TIGAR: variants seen among roughly 807,000 people sequenced by gnomAD.
TIGAR encodes the protein TP53 induced glycolysis regulatory phosphatase.
Under a neutral mutation model 17.9 loss-of-function variants are expected in TIGAR, and 7 were observed. The observed-to-expected ratio is 0.39, with a 90% CI of 0.22 to 0.73. The LOEUF (loss-of-function observed/expected upper bound fraction) is 0.73. Ranked by LOEUF, TIGAR falls within the 30% of genes least tolerant of loss-of-function variation. The probability of loss-of-function intolerance (pLI) is 0.42; values close to 1 mark genes in which losing one functional copy is unlikely to be tolerated. For missense variants in TIGAR, 258 were observed against 327.4 expected, an observed-to-expected ratio of 0.79 and a Z score of 1.64; for synonymous variants, 94 against 108.6, an observed-to-expected ratio of 0.87 and a Z score of 0.84.
rs1009806414 is a variant in TIGAR at position 4,359,575 on chromosome 12, A to G, written c.*6884A>G. Reference sequence around the variant, plus strand: ...ATTACTGCATTGAATTCCAATGCATAGATACACAACAGTTTGTTTATTCTT... The same window carrying G: ...ATTACTGCATTGAATTCCAATGCATGGATACACAACAGTTTGTTTATTCTT... On this transcript the variant is annotated 3_prime_UTR_variant, in exon 6 of 6. Transcript: ENST00000179259. Among the ~76,000 whole-genome samples the G allele has an allele frequency of 1.3e-5, 2 of 152,218 alleles. No individual in the cohort carries two copies. Among genetic ancestry groups the G allele is most frequent in the African/African-American group, 4.8e-5 (2 of 41,448 alleles).
chr12:4,352,424 A>C lies in TIGAR; in HGVS notation c.546A>C (p.Ser182=). The stretch of plus-strand genomic sequence containing the variant: ...AAAATCACAGCTCTAAAGTTAATTC[A>C]GACAGCGGTATTCCAGGATTAGCAG... ...LGKNHSSKVN[S]DSGIPGLAAS... The change falls in exon 6 of 6, where the codon TCA becomes TCC. Residue 182 remains serine, a synonymous_variant. Transcript: ENST00000179259. 1.9e-6 allele frequency: 3 copies of C among 1,614,194 alleles called. No homozygotes were observed. Among genetic ancestry groups the C allele is most frequent in the Non-Finnish European group, 2.5e-6 (3 of 1,180,030 alleles).
Position 4,352,936 on chromosome 12 carries a change from C to A in TIGAR, c.*245C>A. The A allele has an allele frequency of 2.3e-6, 1 of 444,416 alleles. No homozygotes were observed. Among genetic ancestry groups the A allele is most frequent in the Non-Finnish European group, 4.0e-6 (1 of 251,026 alleles). The allele number at this position is 444,416 out of a possible 1,614,324, so 27.5% of individuals were successfully genotyped here. ...CCTGCTAGATGTCATCTCTGGATTGCACATGGATGATGAAGGAACTCAGCA... is the reference window on the plus strand; with the variant it reads ...CCTGCTAGATGTCATCTCTGGATTGAACATGGATGATGAAGGAACTCAGCA... On this transcript the variant is annotated 3_prime_UTR_variant, in exon 6 of 6. Transcript: ENST00000179259.
chr12:4,338,977 C>A (rs11063092), intron 3 of TIGAR, among the ~76,000 whole-genome samples: 79,332 of 100,730 alleles, frequency 0.79, 30,725 homozygotes, highest in East Asian at 0.92. Context: ...CTTTGTCTCA[C>A]AAAAAAAAAA....
At chr12:4,350,731 C>T (rs1337939286) in intron 4 of TIGAR, among the ~76,000 whole-genome samples, 3 of 150,430 alleles carry the variant, frequency 2.0e-5, no homozygotes, top group East Asian at 2.0e-4. Flanking sequence ...GAGCTGAGAT[C>T]GCGCCACGGC....
intron 1 of TIGAR, among the ~76,000 whole-genome samples, chr12:4,329,463 C>T (rs140363707): frequency 6.6e-5 from 10 of 151,068 alleles, no homozygotes; most frequent in South Asian, 2.1e-4. Flanking sequence ...CTCAGTCTCC[C>T]GAGTAGCTGG....
In TIGAR at chr12:4,349,829, G is replaced by A; in HGVS notation, c.203G>A (p.Gly68Glu). The change falls in exon 4 of 6, where the codon GGA (glycine) becomes GAA (glutamate). Residue 68 changes from glycine (G) to glutamate (E), a missense_variant. By Grantham distance (98) the Gly-to-Glu change is moderately conservative (BLOSUM62 -2). Coordinates refer to ENST00000179259, the MANE Select transcript of TIGAR (RefSeq NM_020375.3). ...TGTCTTGATTTTCAGACCATGCATG[G>A]AATTTTGGAGAGAAGCAAATTTTGC... Reference protein sequence around the residue: ...DLMRTKQTMHGILERSKFCKD... With the variant: ...DLMRTKQTMHEILERSKFCKD... 3 of 1,581,532 alleles carry A rather than the reference G, an allele frequency of 1.9e-6. No individual in the cohort carries two copies. Among genetic ancestry groups the A allele is most frequent in the Admixed American group, 1.9e-5 (1 of 52,792 alleles).
At chr12:4,325,856 C>T (rs748609082) in intron 1 of TIGAR, among the ~76,000 whole-genome samples, 34 of 151,782 alleles carry the variant, frequency 2.2e-4, no homozygotes, top group African/African-American at 7.5e-4. Flanking sequence ...AAGCTGTATT[C>T]GTGATATCAG....
intron 3 of TIGAR, among the ~76,000 whole-genome samples, chr12:4,347,791 A>T (rs908713872): frequency 1.3e-5 from 2 of 152,228 alleles, no homozygotes; most frequent in African/African-American, 4.8e-5. Context: ...TGATCATTAT[A>T]GATAAATATA....
chr12:4,352,072 T>C (rs965345812), intron 5 of TIGAR, among the ~76,000 whole-genome samples, 188 bp from the exon 6 acceptor site: 3 of 152,148 alleles, frequency 2.0e-5, no homozygotes, highest in Admixed American at 2.0e-4. Context: ...TCCAGAAATG[T>C]GGTGGATACT....
rs1166618494 is a variant in TIGAR at position 4,359,721 on chromosome 12, G to A, written c.*7030G>A. ...TCATTTCTCTTGGGTAAATAATCTG[G>A]GAGTGGAATTGCTGAGTTATAGGTT... On this transcript the variant is annotated 3_prime_UTR_variant, in exon 6 of 6. Coordinates refer to ENST00000179259, the MANE Select transcript of TIGAR (RefSeq NM_020375.3). Among the ~76,000 whole-genome samples the A allele has an allele frequency of 6.6e-6, 1 of 152,094 alleles. No individual in the cohort carries two copies. The highest frequency in any genetic ancestry group is 1.9e-4 in the East Asian group (1 of 5,202).
chr12:4,331,750 G>C (rs1864605704), intron 2 of TIGAR, among the ~76,000 whole-genome samples: 2 of 152,176 alleles, frequency 1.3e-5, no homozygotes, highest in Non-Finnish European at 2.9e-5. Flanking sequence ...ATTTTCACAT[G>C]TGGTCGTTAC....
In TIGAR at chr12:4,332,238, CTTTTTT is replaced by C. The variant is rs777711454; in HGVS notation, c.70+938_70+943del. On this transcript the variant is annotated intron_variant, in intron 2 of 5. Transcript: ENST00000179259. ...ATAAGCATTCAAGGCTCATGTATTT[CTTTTTT>C]TTTTTTTTTTTTTTTTGAGTCAGGG... is the stretch of plus-strand genomic sequence containing the variant. Among the ~76,000 whole-genome samples, 905 of 95,328 alleles carry C rather than the reference CTTTTTT, an allele frequency of 9.5e-3. 8 individuals carry two copies. The highest frequency in any genetic ancestry group is 0.038 in the Middle Eastern group (5 of 132). 62.5% of individuals were successfully genotyped at this position (95,328 alleles called of 152,430 possible).
intron 3 of TIGAR, among the ~76,000 whole-genome samples, chr12:4,339,738 C>G (rs990176560): frequency 1.3e-5 from 2 of 152,110 alleles, no homozygotes; most frequent in African/African-American, 2.4e-5. Context: ...AAGGATGTTT[C>G]AACATAAACA....
At chr12:4,324,546 C>G (rs1864517322) in intron 1 of TIGAR, 2 of 1,608,434 alleles carry the variant, frequency 1.2e-6, no homozygotes, top group South Asian at 1.1e-5. Context: ...TGCCCACCAT[C>G]TTGGGCAGGA....
chr12:4,324,348 TGTGTGCC>T, intron 1 of TIGAR: 1 of 800,134 alleles, frequency 1.2e-6, no homozygotes, highest in Admixed American at 2.2e-5. Context: ...TTTGGAAATA[TGTGTGCC>T]TTTATTAGCT....
chr12:4,352,304 A>G lies in TIGAR; in HGVS notation c.426A>G (p.Leu142=), dbSNP rs1864845147. ...ACTTTTTTGAATTTCTTTGTCAACTAATCCTGAAAGAAGCGGATCAAAAAG... is the reference window on the plus strand; with the variant it reads ...ACTTTTTTGAATTTCTTTGTCAACTGATCCTGAAAGAAGCGGATCAAAAAG... ...GIDFFEFLCQ[L]ILKEADQKEQ... The change falls in exon 6 of 6, where the codon CTA becomes CTG. Residue 142 remains leucine (L), a synonymous_variant. Coordinates refer to ENST00000179259, the MANE Select transcript of TIGAR (RefSeq NM_020375.3). 3 of 1,613,662 alleles carry G rather than the reference A, an allele frequency of 1.9e-6. No individual in the cohort carries two copies. The highest frequency in any genetic ancestry group is 2.5e-6 in the Non-Finnish European group (3 of 1,179,818).
chr12:4,335,058 A>T (rs1367263818), intron 2 of TIGAR, among the ~76,000 whole-genome samples: 1 of 151,156 alleles, frequency 6.6e-6, no homozygotes, highest in Non-Finnish European at 1.5e-5. Flanking sequence ...TTTTTTTGAG[A>T]CGGAGTTTCA....
At chr12:4,334,160 G>A (rs749582461) in intron 2 of TIGAR, among the ~76,000 whole-genome samples, 12 of 151,896 alleles carry the variant, frequency 7.9e-5, no homozygotes, top group Non-Finnish European at 1.3e-4. Context: ...ACCTGTCTTA[G>A]CCAAGGCTGC....
intron 2 of TIGAR, among the ~76,000 whole-genome samples, chr12:4,334,950 T>A (rs912854420): frequency 1.3e-5 from 2 of 152,228 alleles, no homozygotes; most frequent in Admixed American, 1.3e-4. Flanking sequence ...ATTTTTTTTT[T>A]AATGTATCCT....
Sources: gnomAD v4.1 joint callset for allele counts (sites outside exome capture counted in the v4.1 genomes callset) on GRCh38, gnomAD v4.1.1 for gene constraint, MANE v1.5 for transcripts, NCBI Gene and HGNC (gene_info 2026-07-23, HGNC 2026-07-21) for gene names.